COL5A1: variants seen among roughly 807,000 people sequenced by gnomAD.
COL5A1 encodes the protein collagen type V alpha 1 chain.
Under a neutral mutation model 263.7 loss-of-function variants are expected in COL5A1, and 16 were observed. That is an observed-to-expected ratio of 0.06 (90% confidence interval 0.04 to 0.09). The LOEUF is 0.09. COL5A1 is among the 10% of genes least tolerant of loss of function. The pLI, the probability that COL5A1 is intolerant of heterozygous loss-of-function variation, is 1.00. For synonymous variants in COL5A1, 1,012 were observed against 1,004.5 expected (o/e 1.01, Z -0.14); for missense variants, 2,036 against 2,540.5 (o/e 0.80, Z 4.27).
intron 63 of COL5A1, among the ~76,000 whole-genome samples, chr9:134,827,519 C>T (rs192098224): frequency 1.9e-4 from 29 of 152,378 alleles, no homozygotes; most frequent in African/African-American, 5.0e-4. Context: ...AGAGGTTTCT[C>T]GGCCCTCCTT....
At chr9:134,792,796 CATGTGTGCGTGCA>C (rs1837748113) in intron 32 of COL5A1, among the ~76,000 whole-genome samples, 1 of 134,848 alleles carries the variant, frequency 7.4e-6, no homozygotes, top group African/African-American at 3.1e-5. Context: ...TGTGTGTGTG[CATGTGTGCGTGCA>C]TGTGTGTGCA....
chr9:134,684,000 G>A (rs1047096708), intron 1 of COL5A1, among the ~76,000 whole-genome samples: 13 of 152,172 alleles, frequency 8.5e-5, no homozygotes, highest in Non-Finnish European at 1.8e-4. Context: ...ACACATCTGC[G>A]TCACTCAAGA....
At chr9:134,775,999 A>T (rs553270633) in intron 27 of COL5A1, among the ~76,000 whole-genome samples, 1 of 152,188 alleles carries the variant, frequency 6.6e-6, no homozygotes, top group South Asian at 2.1e-4. Context: ...GTTTTCAGTG[A>T]CATGCCCCAG....
rs746104317 is a variant in COL5A1 at position 134,835,173 on chromosome 9, C to A, written c.5339C>A (p.Pro1780His). 1.1e-5 allele frequency: 17 copies of A among 1,613,666 alleles called. No individual in the cohort carries two copies. The highest frequency in any genetic ancestry group is 1.4e-5 in the Non-Finnish European group (16 of 1,180,040). ...GAGGAGATGTCCTATGACAACAACC[C>A]CTACATCCGCGCCCTGGTGGACGGC... ...NDEEMSYDNNPYIRALVDGCA... is the reference protein window; with the variant it reads ...NDEEMSYDNNHYIRALVDGCA... The change falls in exon 65 of 66, where the codon CCC (proline) becomes CAC (histidine). Residue 1780 changes from proline to histidine, a missense_variant. Around this residue, in one of 3 missense-constraint regions of COL5A1, gnomAD observed 358 missense variants for 384.6 expected, o/e 0.93. Coordinates refer to ENST00000371817, the MANE Select transcript of COL5A1 (RefSeq NM_000093.5).
chr9:134,785,955 A>G (rs756077664), intron 30 of COL5A1, 40 bp from the exon 31 acceptor site: 1 of 1,572,484 alleles, frequency 6.4e-7, no homozygotes, highest in South Asian at 1.1e-5. Flanking sequence ...GGATGGAGCA[A>G]TACCGTGCTG....
chr9:134,837,571 T>G (rs1383300965), intron 65 of COL5A1, among the ~76,000 whole-genome samples: 1 of 151,904 alleles, frequency 6.6e-6, no homozygotes, highest in Non-Finnish European at 1.5e-5. Context: ...CGGCAATGCT[T>G]TCTGACTCAG....
chr9:134,773,754 A>G (rs1295990789), intron 26 of COL5A1, among the ~76,000 whole-genome samples: 2 of 151,526 alleles, frequency 1.3e-5, no homozygotes, highest in Non-Finnish European at 2.9e-5. Flanking sequence ...AGGGAGTTCA[A>G]TTTCCAGTGC....
At chr9:134,826,812 G>A (rs927521218) in intron 63 of COL5A1, among the ~76,000 whole-genome samples, 2 of 151,186 alleles carry the variant, frequency 1.3e-5, no homozygotes, top group Admixed American at 1.3e-4. Context: ...GTGCAGGTGT[G>A]TGGGTGTGTG....
At chr9:134,697,335 T>G (rs1238964868) in intron 2 of COL5A1, among the ~76,000 whole-genome samples, 2 of 152,170 alleles carry the variant, frequency 1.3e-5, no homozygotes, top group African/African-American at 4.8e-5. Flanking sequence ...TTATCTGAGC[T>G]GAGAAAATTT....
intron 48 of COL5A1, 70 bp downstream of exon 48, chr9:134,812,782 G>A (rs571228676): frequency 1.0e-5 from 11 of 1,060,028 alleles, no homozygotes; most frequent in South Asian, 9.5e-5. Context: ...GTCTGTGTGT[G>A]TGTGTCTGTG....
intron 36 of COL5A1, among the ~76,000 whole-genome samples, chr9:134,797,394 T>C (rs1015502837): frequency 3.3e-5 from 5 of 152,198 alleles, no homozygotes; most frequent in Non-Finnish European, 5.9e-5. Flanking sequence ...TGCCAGTCCT[T>C]GGCACCCAGT....
intron 1 of COL5A1, among the ~76,000 whole-genome samples, chr9:134,648,537 TTTCCCCA>T (rs1471641151): frequency 6.6e-6 from 1 of 152,030 alleles, no homozygotes; most frequent in Non-Finnish European, 1.5e-5. Context: ...TGTGCCTCAC[TTTCCCCA>T]TCTGTAAGAA....
At chr9:134,687,529 T>C (rs76536200) in intron 1 of COL5A1, among the ~76,000 whole-genome samples, 16,865 of 152,136 alleles carry the variant, frequency 0.11, 1,201 homozygotes, top group Admixed American at 0.17. Flanking sequence ...CCATAGGTGA[T>C]CCGGTCATGG....
In COL5A1 at chr9:134,755,367, G is replaced by A. The variant is rs879694033; in HGVS notation, c.1827+1041G>A. On this transcript the variant is annotated intron_variant, in intron 16 of 65. Transcript: ENST00000371817. This position sits in a 1 kb window ranked among gnomAD's most constrained non-coding sequence, Gnocchi z 4.1. ...GAGGTTAAAAACTGGAACAAGAGGA[G>A]ACTCGGGAAATGCTGTCTAACATGG... Among the ~76,000 whole-genome samples, 5 of 152,220 alleles carry A rather than the reference G, an allele frequency of 3.3e-5. No homozygotes were observed. Among genetic ancestry groups the A allele is most frequent in the Non-Finnish European group, 5.9e-5 (4 of 68,044 alleles).
intron 1 of COL5A1, among the ~76,000 whole-genome samples, chr9:134,667,677 G>A (rs1273127274): frequency 6.6e-6 from 1 of 152,156 alleles, no homozygotes; most frequent in East Asian, 1.9e-4. Context: ...CTGCTTAGAG[G>A]TGCCCCACCT....
At chr9:134,657,732 T>A (rs1832064868) in intron 1 of COL5A1, among the ~76,000 whole-genome samples, 1 of 148,488 alleles carries the variant, frequency 6.7e-6, no homozygotes, top group Non-Finnish European at 1.5e-5. Flanking sequence ...TGAGTTTCCT[T>A]TGCCCGGGGG....
intron 7 of COL5A1, among the ~76,000 whole-genome samples, chr9:134,730,956 C>T (rs532596789): frequency 2.6e-5 from 4 of 152,284 alleles, no homozygotes; most frequent in Admixed American, 6.5e-5. Flanking sequence ...AAGCTCTGCC[C>T]GAGACCTTGG....
In COL5A1 at chr9:134,757,857, A is replaced by G. The variant is rs1461470840; in HGVS notation, c.1882-386A>G. Among the ~76,000 whole-genome samples, 1 of 152,046 alleles carries G rather than the reference A, an allele frequency of 6.6e-6. No homozygotes were observed. ...CGCGGGCAGCCCCTCGGCACCATGGATACAGCTGTGAGCGGACACACCGGG... is the reference window on the plus strand; with the variant it reads ...CGCGGGCAGCCCCTCGGCACCATGGGTACAGCTGTGAGCGGACACACCGGG... On this transcript the variant is annotated intron_variant, in intron 17 of 65. Transcript: ENST00000371817. The surrounding 1 kb of genome is among the most constrained non-coding windows in gnomAD (Gnocchi z 6.2).
At chr9:134,666,590 A>G (rs576112597) in intron 1 of COL5A1, among the ~76,000 whole-genome samples, 10 of 152,170 alleles carry the variant, frequency 6.6e-5, no homozygotes, top group Non-Finnish European at 1.2e-4. Context: ...TGGATGACTG[A>G]GAGCTCGTGA....
Sources: gnomAD v4.1 joint callset for allele counts (sites outside exome capture counted in the v4.1 genomes callset) on GRCh38, gnomAD v4.1.1 for gene constraint, gnomAD v4.1.1 regional missense constraint, Gnocchi (gnomAD v3.1) non-coding constraint, MANE v1.5 for transcripts, NCBI Gene and HGNC (gene_info 2026-07-23, HGNC 2026-07-21) for gene names.